The following TMEM233 variants were observed in gnomAD, a reference collection of about 807,000 sequenced individuals.
The protein encoded by TMEM233 is transmembrane protein 233, also known as dispanin subfamily B member 2.
A neutral mutation model predicts 11.2 loss-of-function variants in TMEM233; 6 were observed. The ratio of observed to expected loss-of-function variants is 0.54; its 90% CI spans 0.29 to 1.06. The LOEUF is 1.06. TMEM233 is among the 50% of genes least tolerant of loss of function. TMEM233 has a pLI of 0.08. For synonymous variants in TMEM233, 59 were observed against 55.8 expected (o/e 1.06, Z -0.26); for missense variants, 127 against 144.7 (o/e 0.88, Z 0.63).
At chr12:119,599,335 A>G (rs1954111668) in intron 1 of TMEM233, among the ~76,000 whole-genome samples, 1 of 152,144 alleles carries the variant, frequency 6.6e-6, no homozygotes, top group African/African-American at 2.4e-5. Flanking sequence ...GAGGATGGAT[A>G]CCCCATTCTC....
At chr12:119,601,354 T>C (rs1014710607) in intron 1 of TMEM233, among the ~76,000 whole-genome samples, 2 of 152,162 alleles carry the variant, frequency 1.3e-5, no homozygotes, top group African/African-American at 4.8e-5. Flanking sequence ...TCAGGAATGC[T>C]GAAGGCTAAA....
At position 119,621,718 on chromosome 12, in the gene TMEM233, A is replaced by G. The variant is rs112074709; in HGVS notation, c.187-8018A>G. 3.3e-5 allele frequency among the ~76,000 whole-genome samples: 5 copies of G among 152,372 alleles called. 1 individual carries two copies. The highest frequency in any genetic ancestry group is 1.2e-4 in the African/African-American group (5 of 41,592). ...AAAAACATTTAACACAGTGTCTGGC[A>G]TATACTAAATGCCTCATAAATACTA... On this transcript the variant is annotated intron_variant, in intron 1 of 2. Coordinates refer to ENST00000426426, the MANE Select transcript of TMEM233 (RefSeq NM_001136534.3).
intron 1 of TMEM233, among the ~76,000 whole-genome samples, chr12:119,616,729 T>C (rs1290827029): frequency 6.6e-6 from 1 of 152,154 alleles, no homozygotes; most frequent in Admixed American, 6.5e-5. Flanking sequence ...ATAATCCCCA[T>C]GTGTCATGGG....
intron 1 of TMEM233, among the ~76,000 whole-genome samples, chr12:119,602,702 C>G (rs1954191993): frequency 6.6e-6 from 1 of 152,196 alleles, no homozygotes; most frequent in South Asian, 2.1e-4. Context: ...CCTTTCAGAT[C>G]ATTAGCAGTA....
intron 2 of TMEM233, among the ~76,000 whole-genome samples, chr12:119,632,241 T>G: frequency 6.6e-6 from 1 of 152,172 alleles, no homozygotes; most frequent in Non-Finnish European, 1.5e-5. Flanking sequence ...ATAGGTATTA[T>G]TATCCCTATT....
downstream of TMEM233, among the ~76,000 whole-genome samples, chr12:119,643,612 C>CA (rs1219055251): frequency 6.6e-6 from 1 of 151,786 alleles, no homozygotes; most frequent in East Asian, 1.9e-4. Context: ...ACTAAAAATA[C>CA]AAAAAATTAG....
chr12:119,643,847 A>T (rs1328302020), downstream of TMEM233, among the ~76,000 whole-genome samples: 2 of 152,088 alleles, frequency 1.3e-5, no homozygotes, highest in Non-Finnish European at 2.9e-5. Flanking sequence ...TAGAGCAGAA[A>T]AAGTAGAGTT....
At chr12:119,644,311 C>T (rs554377319), downstream of TMEM233, among the ~76,000 whole-genome samples, 4 of 151,978 alleles carry the variant, frequency 2.6e-5, no homozygotes, top group Admixed American at 2.6e-4. Flanking sequence ...AGGATGGTTC[C>T]CCAAAGGAAA....
chr12:119,650,157 C>A, the TMEM233 span, among the ~76,000 whole-genome samples: 101 of 128,982 alleles, frequency 7.8e-4, no homozygotes, highest in Admixed American at 9.7e-4. Flanking sequence ...GACTCCATCT[C>A]AAAAAAAAAA....
rs1011239751 is a variant in TMEM233, at chr12:119,593,896, C to T, written c.48C>T (p.Ser16=). Residue 16 remains serine (S), a synonymous_variant, in exon 1 of 3, where the codon AGC becomes AGT. Coordinates refer to ENST00000426426, the MANE Select transcript of TMEM233 (RefSeq NM_001136534.3). This position sits in a 1 kb window ranked among gnomAD's most constrained non-coding sequence, Gnocchi z 4.1. The part of the protein sequence containing the change: ...PSPDFKRALD[S]SPEANTEDDK... ...CGGACTTCAAGAGGGCTTTGGACAG[C>T]AGTCCCGAGGCCAACACTGAAGATG... 1.9e-6 allele frequency: 3 copies of T among 1,551,610 alleles called. No homozygotes were observed. The highest frequency in any genetic ancestry group is 2.6e-6 in the Non-Finnish European group (3 of 1,146,984).
At chr12:119,620,729 C>G (rs1229941761) in intron 1 of TMEM233, among the ~76,000 whole-genome samples, 1 of 152,050 alleles carries the variant, frequency 6.6e-6, no homozygotes, top group Non-Finnish European at 1.5e-5. Flanking sequence ...GGAAGTCTAT[C>G]AATATAACTC....
chr12:119,629,856 GTTCAC>G lies in TMEM233; in HGVS notation c.313_317del (p.Phe105LysfsTer53). ...TCTCATCATCGGCATTTCTTGTGCA[GTTCAC>G]TTCACAAGGAAGTAAGTAGGCTTTT... On this transcript the variant is annotated frameshift_variant, in exon 2 of 3. Coordinates refer to ENST00000426426, the MANE Select transcript of TMEM233 (RefSeq NM_001136534.3). LOFTEE classifies it high-confidence loss of function. 1 of 1,551,080 alleles carries G rather than the reference GTTCAC, an allele frequency of 6.4e-7. No homozygotes were observed. Among genetic ancestry groups the G allele is most frequent in the African/African-American group, 1.4e-5 (1 of 73,148 alleles).
intron 1 of TMEM233, among the ~76,000 whole-genome samples, chr12:119,621,438 C>A (rs557426886): frequency 6.6e-6 from 1 of 152,200 alleles, no homozygotes; most frequent in Non-Finnish European, 1.5e-5. Context: ...CTGCCTCAGC[C>A]TCCCAAAGTG....
intron 1 of TMEM233, among the ~76,000 whole-genome samples, chr12:119,625,368 T>TTC (rs33934378): frequency 6.5e-3 from 66 of 10,086 alleles, no homozygotes; most frequent in Admixed American, 0.011. Context: ...TAACTTCTTC[T>TTC]TTTTTTTTTT....
In TMEM233 at chr12:119,619,306, C is replaced by T. The variant is rs1037316472; in HGVS notation, c.187-10430C>T. On this transcript the variant is annotated intron_variant, in intron 1 of 2. Coordinates refer to ENST00000426426, the MANE Select transcript of TMEM233 (RefSeq NM_001136534.3). ...TCTTTATTAGCAGCATAAGAATGGA[C>T]GAATACAATGGGACAAAATTCCATA... is the stretch of plus-strand genomic sequence containing the variant. Among the ~76,000 whole-genome samples, 12 of 152,058 alleles carry T rather than the reference C, an allele frequency of 7.9e-5. No homozygotes were observed. The South Asian group carries it at 8.3e-4, about 11-fold the overall frequency.
intron 1 of TMEM233, among the ~76,000 whole-genome samples, chr12:119,614,989 C>T (rs553346997): frequency 2.6e-5 from 4 of 151,512 alleles, no homozygotes; most frequent in African/African-American, 9.7e-5. Context: ...GTACCCTCTC[C>T]TCTCTCTTTC....
chr12:119,624,717 G>C (rs1047187773), intron 1 of TMEM233, among the ~76,000 whole-genome samples: 1 of 152,166 alleles, frequency 6.6e-6, no homozygotes, highest in Non-Finnish European at 1.5e-5. Flanking sequence ...TACAGGTATG[G>C]AGTTTCCATT....
intron 1 of TMEM233, among the ~76,000 whole-genome samples, chr12:119,616,265 C>T (rs1003717523): frequency 1.1e-4 from 17 of 152,156 alleles, no homozygotes; most frequent in Non-Finnish European, 7.3e-5. Context: ...TTATGAAATA[C>T]GTGATGAGAA....
chr12:119,628,198 GC>G, intron 1 of TMEM233, among the ~76,000 whole-genome samples: 2 of 150,370 alleles, frequency 1.3e-5, no homozygotes, highest in East Asian at 3.9e-4. Context: ...CACTCTTGTT[GC>G]CCAGGCTGGA....
Sources: allele counts gnomAD v4.1 joint callset (sites outside exome capture counted in the v4.1 genomes callset), GRCh38; gene constraint gnomAD v4.1.1; non-coding constraint Gnocchi (gnomAD v3.1); transcripts MANE v1.5; gene names NCBI Gene and HGNC (gene_info 2026-07-23, HGNC 2026-07-21).